The following PARPBP variants were observed in gnomAD, a reference collection of about 807,000 sequenced individuals.
The protein encoded by PARPBP is PCNA-interacting partner.
In PARPBP, 52 loss-of-function variants were observed where a neutral mutation model predicts 50.0. The ratio of observed to expected loss-of-function variants is 1.04; its 90% CI spans 0.83 to 1.31. PARPBP has a LOEUF of 1.31. Ranked by LOEUF, PARPBP falls within the 50% of genes most tolerant of loss-of-function variation. PARPBP has a pLI of 0.00. For synonymous variants in PARPBP, 244 were observed against 232.1 expected, an observed-to-expected ratio of 1.05 and a Z score of -0.47; for missense variants, 697 against 672.0, an observed-to-expected ratio of 1.04 and a Z score of -0.41.
At position 102,143,889 on chromosome 12, in the gene PARPBP, A is replaced by T. The variant is rs959881605; in HGVS notation, c.154-4341A>T. Among the ~76,000 whole-genome samples the T allele has an allele frequency of 3.3e-5, 5 of 152,168 alleles. 1 individual carries two copies. Among genetic ancestry groups the T allele is most frequent in the African/African-American group, 4.8e-5 (2 of 41,436 alleles). On this transcript the variant is annotated intron_variant, in intron 2 of 10. Coordinates refer to ENST00000327680, the MANE Select transcript of PARPBP (RefSeq NM_017915.5). ...ATGGAAAGCAATTACAGTACCTGTG[A>T]TTGACTGTCAGATTTGAAAATGATG...
At chr12:102,172,493 T>C (rs1888856040) in intron 6 of PARPBP, among the ~76,000 whole-genome samples, 1 of 152,222 alleles carries the variant, frequency 6.6e-6, no homozygotes. Flanking sequence ...AACCACTGTG[T>C]TGCTGAGCAG....
At chr12:102,168,065 T>G (rs1423535560) in intron 6 of PARPBP, among the ~76,000 whole-genome samples, 1 of 152,204 alleles carries the variant, frequency 6.6e-6, no homozygotes. Flanking sequence ...CTCAACCATC[T>G]GTTTTCATTT....
chr12:102,170,793 A>G (rs1031493062), intron 6 of PARPBP, among the ~76,000 whole-genome samples: 1 of 152,116 alleles, frequency 6.6e-6, no homozygotes, highest in Non-Finnish European at 1.5e-5. Flanking sequence ...AAATTTTGAA[A>G]CTTTTTGAGT....
Position 102,195,304 on chromosome 12 carries a change from G to A in PARPBP, c.1264-8G>A, listed in dbSNP as rs182993583. 6.7e-7 allele frequency: 1 copy of A among 1,491,270 alleles called. No homozygotes were observed. The highest frequency in any genetic ancestry group is 1.2e-5 in the South Asian group (1 of 81,522). 92.4% of individuals were successfully genotyped at this position (1,491,270 alleles called of 1,614,324 possible). A position where few individuals can be genotyped will look rare whatever the true frequency, so the allele number is the denominator to read the frequency against. ...TTTGCATATTTTCTTCTTTCTTTCT[G>A]TTACTAGATGAAGCAAACTTTAATT... On this transcript the variant is annotated splice_region_variant and splice_polypyrimidine_tract_variant and intron_variant, in intron 9 of 10. Transcript: ENST00000327680.
intron 6 of PARPBP, among the ~76,000 whole-genome samples, chr12:102,173,454 AAT>A (rs1352972584): frequency 1.3e-5 from 2 of 152,334 alleles, no homozygotes; most frequent in Admixed American, 6.5e-5. Flanking sequence ...ATTTGATGAT[AAT>A]ATGACTAATT....
intron 2 of PARPBP, among the ~76,000 whole-genome samples, chr12:102,138,679 G>A (rs1457857714): frequency 6.6e-6 from 1 of 152,140 alleles, no homozygotes; most frequent in Non-Finnish European, 1.5e-5. Context: ...GTGTAAGGAA[G>A]GGATCCAGTT....
chr12:102,172,724 G>T (rs1565892600), intron 6 of PARPBP, among the ~76,000 whole-genome samples: 1 of 152,132 alleles, frequency 6.6e-6, no homozygotes, highest in African/African-American at 2.4e-5. Context: ...AGAAAAGGAG[G>T]TCAAAGGTGA....
intron 2 of PARPBP, among the ~76,000 whole-genome samples, chr12:102,139,797 G>A (rs1444379584): frequency 6.6e-6 from 1 of 152,154 alleles, no homozygotes; most frequent in East Asian, 1.9e-4. Flanking sequence ...ATTGATTTGT[G>A]TATGTTGAAC....
chr12:102,121,028 T>A (rs1016460333), intron 1 of PARPBP, among the ~76,000 whole-genome samples: 2 of 152,242 alleles, frequency 1.3e-5, no homozygotes, highest in Non-Finnish European at 2.9e-5. Context: ...ACTGTTTTTT[T>A]GTATAGTGCA....
chr12:102,154,727 T>C (rs1354955630), intron 4 of PARPBP: 4 of 391,364 alleles, frequency 1.0e-5, no homozygotes, highest in Non-Finnish European at 2.0e-5. Context: ...CAAAATATGT[T>C]TCTTTGCCAT....
intron 3 of PARPBP, chr12:102,151,855 C>A: frequency 7.8e-7 from 1 of 1,279,552 alleles, no homozygotes; most frequent in Non-Finnish European, 1.1e-6. Flanking sequence ...CACCTGGCAC[C>A]AACTCACTGT....
At chr12:102,159,662 A>G (rs554437961) in intron 4 of PARPBP, among the ~76,000 whole-genome samples, 1 of 151,522 alleles carries the variant, frequency 6.6e-6, no homozygotes, top group African/African-American at 2.4e-5. Context: ...AGGGAATAAT[A>G]GAATAAAGGC....
chr12:102,123,229 G>T (rs995100547), intron 1 of PARPBP, among the ~76,000 whole-genome samples: 7 of 152,196 alleles, frequency 4.6e-5, no homozygotes, highest in African/African-American at 1.7e-4. Flanking sequence ...TGTATGAACA[G>T]TTTAGCACAG....
intron 8 of PARPBP, among the ~76,000 whole-genome samples, chr12:102,179,587 G>C (rs1311293718): frequency 6.6e-6 from 1 of 152,172 alleles, no homozygotes; most frequent in Non-Finnish European, 1.5e-5. Flanking sequence ...CATGGAGAGA[G>C]ATCTCTTTGT....
chr12:102,165,541 A>G (rs892111424), intron 5 of PARPBP, among the ~76,000 whole-genome samples, 188 bp from the exon 6 acceptor site: 9 of 152,188 alleles, frequency 5.9e-5, no homozygotes, highest in Non-Finnish European at 1.0e-4. Flanking sequence ...CACACTTGCT[A>G]GCATGAATTC....
At chr12:102,171,918 C>T (rs975091233) in intron 6 of PARPBP, among the ~76,000 whole-genome samples, 1 of 151,952 alleles carries the variant, frequency 6.6e-6, no homozygotes, top group Admixed American at 6.6e-5. Context: ...TATGTGGCAC[C>T]TTTAATTACA....
intron 2 of PARPBP, among the ~76,000 whole-genome samples, 197 bp downstream of exon 2, chr12:102,124,238 T>A (rs1431172539): frequency 6.6e-6 from 1 of 152,246 alleles, no homozygotes; most frequent in East Asian, 1.9e-4. Flanking sequence ...TATTTCAAAA[T>A]TAAGCTCTTA....
intron 6 of PARPBP, among the ~76,000 whole-genome samples, chr12:102,174,064 T>C (rs186528635): frequency 4.7e-4 from 72 of 151,914 alleles, no homozygotes; most frequent in African/African-American, 1.4e-3. Flanking sequence ...CAAACATACA[T>C]CAATCATCTC....
In PARPBP at chr12:102,165,861, C is replaced by A; in HGVS notation, c.799C>A (p.Leu267Ile). The A allele has an allele frequency of 6.4e-7, 1 of 1,563,344 alleles. No individual in the cohort carries two copies. The highest frequency in any genetic ancestry group is 8.8e-7 in the Non-Finnish European group (1 of 1,138,064). Reference protein sequence around the residue: ...INFIDKLDEILGEIPNPSIAG... With the variant: ...INFIDKLDEIIGEIPNPSIAG... ...TTTCATTGACAAATTAGATGAGATT[C>A]TTGGAGAAATACCAAACCCAAGGTA... Residue 267 changes from leucine (L) to isoleucine (I), a missense_variant, in exon 6 of 11, where the codon CTT becomes ATT. By Grantham distance (5) the Leu-to-Ile change is conservative. Coordinates refer to ENST00000327680, the MANE Select transcript of PARPBP (RefSeq NM_017915.5).
Sources: allele counts gnomAD v4.1 joint callset (sites outside exome capture counted in the v4.1 genomes callset), GRCh38; gene constraint gnomAD v4.1.1; transcripts MANE v1.5; gene names NCBI Gene and HGNC (gene_info 2026-07-23, HGNC 2026-07-21).